Variants in MAPK8IP3 observed in about 807,000 individuals in gnomAD.
MAPK8IP3 encodes the protein mitogen-activated protein kinase 8 interacting protein 3.
MAPK8IP3 carries 49 observed loss-of-function variants against 157.8 expected under a neutral mutation model. The observed-to-expected ratio is 0.31, with a 90% CI of 0.25 to 0.39. MAPK8IP3 has a LOEUF of 0.39. Among genes scored for constraint, MAPK8IP3 ranks in the 10% least tolerant of loss-of-function variants. MAPK8IP3 has a pLI of 1.00. For synonymous variants in MAPK8IP3, 897 were observed against 777.7 expected, an observed-to-expected ratio of 1.15 and a Z score of -2.55; for missense variants, 1,478 against 1,889.4, an observed-to-expected ratio of 0.78 and a Z score of 4.04.
At chr16:1,714,416 GC>G (rs1742068408) in intron 1 of MAPK8IP3, among the ~76,000 whole-genome samples, 3 of 145,978 alleles carry the variant, frequency 2.1e-5, no homozygotes, top group African/African-American at 5.6e-5. Context: ...CACTGTTACG[GC>G]AAGAGATCCA....
At chr16:1,762,788 G>C (rs371274711) in intron 15 of MAPK8IP3, 48 bp from the exon 16 acceptor site, 1 of 1,599,542 alleles carries the variant, frequency 6.3e-7, no homozygotes, top group Non-Finnish European at 8.5e-7. Flanking sequence ...GGGGCAGGGA[G>C]GTTCCCTGGT....
chr16:1,729,467 A>G lies in MAPK8IP3; in HGVS notation c.511-20A>G. On this transcript the variant is annotated intron_variant, in intron 3 of 31. Coordinates refer to ENST00000610761, the MANE Select transcript of MAPK8IP3 (RefSeq NM_001318852.2). ...CAGCCCCCCACGGCAGCGCTAATGCAGGCGTTTCCCTCCTCGCAGATGATA... is the reference window on the plus strand; with the variant it reads ...CAGCCCCCCACGGCAGCGCTAATGCGGGCGTTTCCCTCCTCGCAGATGATA... 6.2e-7 allele frequency: 1 copy of G among 1,605,764 alleles called. No homozygotes were observed. Among genetic ancestry groups the G allele is most frequent in the Non-Finnish European group, 8.5e-7 (1 of 1,174,140 alleles).
At chr16:1,768,650 C>T in intron 31 of MAPK8IP3, 24 bp downstream of exon 31, 2 of 1,610,480 alleles carry the variant, frequency 1.2e-6, no homozygotes, top group South Asian at 1.1e-5. Context: ...AGGGACAGGG[C>T]TGAGGTTGGG....
chr16:1,765,406 C>CCA lies in MAPK8IP3; in HGVS notation c.2446+230_2446+231dup, dbSNP rs2042201189. Reference sequence around the variant, plus strand: ...CTCTTCTCCCTACCTACTCAGGACCCCACGCTTACCTGGTTAGAGGGTGAC... The same window carrying CCA: ...CTCTTCTCCCTACCTACTCAGGACCCCACACGCTTACCTGGTTAGAGGGTGAC... On this transcript the variant is annotated intron_variant, in intron 20 of 31. Transcript: ENST00000610761. 9.2e-5 allele frequency among the ~76,000 whole-genome samples: 14 copies of CCA among 152,352 alleles called. No individual in the cohort carries two copies. In the South Asian group the frequency reaches 2.7e-3, roughly 29 times the overall value.
At chr16:1,759,186 G>C (rs1375432161) in intron 10 of MAPK8IP3, among the ~76,000 whole-genome samples, 191 bp downstream of exon 10, 1 of 152,204 alleles carries the variant, frequency 6.6e-6, no homozygotes, top group Non-Finnish European at 1.5e-5. Flanking sequence ...ACTTCCCCAA[G>C]GGACAGACTT....
intron 1 of MAPK8IP3, among the ~76,000 whole-genome samples, chr16:1,716,304 T>G (rs1428740497): frequency 1.3e-5 from 2 of 149,010 alleles, no homozygotes; most frequent in Non-Finnish European, 3.0e-5. Context: ...TGCTCTCAGG[T>G]CATTTCTTTT....
At chr16:1,748,463 G>C in intron 7 of MAPK8IP3, 117 bp downstream of exon 7, 1 of 1,151,724 alleles carries the variant, frequency 8.7e-7, no homozygotes, top group Non-Finnish European at 1.3e-6. Flanking sequence ...GTGGCCTACC[G>C]CCTCCATCCA....
intron 4 of MAPK8IP3, among the ~76,000 whole-genome samples, chr16:1,729,967 G>T (rs1005652780): frequency 1.3e-5 from 2 of 150,184 alleles, no homozygotes; most frequent in Admixed American, 1.3e-4. Flanking sequence ...CTAGAACTTT[G>T]GGAGGCCAAG....
rs1042728485 is a variant in MAPK8IP3, at chr16:1,765,993, T to C, written c.2480T>C (p.Met827Thr). The C allele has an allele frequency of 3.7e-6, 6 of 1,612,638 alleles. No individual in the cohort carries two copies. In the Admixed American group the frequency reaches 6.7e-5, roughly 18 times the overall value. The part of the protein sequence containing the change: ...ASDSDYPPGE[M>T]FLDSDVNPED... ...GACAGCGACTACCCTCCCGGGGAGA[T>C]GTTCCTGGACAGCGACGTGAACCCA... The change falls in exon 21 of 32, where the codon ATG becomes ACG. Residue 827 changes from methionine (M) to threonine (T), a missense_variant. Met to Thr is a moderately conservative substitution (Grantham distance 81, BLOSUM62 -1). Coordinates refer to ENST00000610761, the MANE Select transcript of MAPK8IP3 (RefSeq NM_001318852.2).
chr16:1,738,777 G>A (rs1322777016), intron 4 of MAPK8IP3, among the ~76,000 whole-genome samples: 17 of 101,432 alleles, frequency 1.7e-4, no homozygotes, highest in African/African-American at 4.5e-4. Flanking sequence ...CCGTGTGAGC[G>A]TGTGAGCGTC....
chr16:1,759,005 A>C lies in MAPK8IP3; in HGVS notation c.1246+10A>C, dbSNP rs759246315. On this transcript the variant is annotated intron_variant, in intron 10 of 31. Transcript: ENST00000610761. ...CGCGATGATTTCTTTGGTAAGGCTG[A>C]GGCCCCGTTCCAGCGTGCGTCGCTC... The C allele has an allele frequency of 6.2e-7, 1 of 1,614,108 alleles. No homozygotes were observed. Among genetic ancestry groups the C allele is most frequent in the Non-Finnish European group, 8.5e-7 (1 of 1,180,002 alleles).
chr16:1,757,098 A>C (rs1270674791), intron 8 of MAPK8IP3, among the ~76,000 whole-genome samples: 1 of 152,126 alleles, frequency 6.6e-6, no homozygotes, highest in African/African-American at 2.4e-5. Flanking sequence ...TTGTCATCTA[A>C]ATCAAGTGAC....
intron 4 of MAPK8IP3, chr16:1,735,094 G>A (rs563121173): frequency 6.6e-6 from 1 of 152,656 alleles, no homozygotes; most frequent in East Asian, 1.9e-4. Context: ...CCCGTTCCAG[G>A]GCCTCTTGTC....
rs200231006 is a variant in MAPK8IP3 at position 1,762,929 on chromosome 16, C to T, written c.1821C>T (p.Ala607=). Residue 607 remains alanine, a synonymous_variant, in exon 16 of 32, where the codon GCC becomes GCT. Coordinates refer to ENST00000610761, the MANE Select transcript of MAPK8IP3 (RefSeq NM_001318852.2). ...VNIHYKSPTT[A]GFSQRRNHAM... is the part of the protein sequence containing the mutation. ...TCCACTACAAGTCACCCACCACTGC[C>T]GGCTTCAGCCAGCGCCGCAACCATG... 5.2e-5 allele frequency: 84 copies of T among 1,613,104 alleles called. No individual in the cohort carries two copies. In the African/African-American group the frequency reaches 7.1e-4, roughly 14 times the overall value.
chr16:1,758,228 C>T, intron 9 of MAPK8IP3, 69 bp downstream of exon 9: 1 of 1,572,060 alleles, frequency 6.4e-7, no homozygotes, highest in Non-Finnish European at 8.7e-7. Flanking sequence ...GGGGGATGCC[C>T]CGAGCTATCC....
intron 24 of MAPK8IP3, 29 bp downstream of exon 24, chr16:1,766,832 G>A (rs528283756): frequency 6.8e-6 from 11 of 1,612,398 alleles, no homozygotes; most frequent in African/African-American, 2.7e-5. Flanking sequence ...AGGGCCGGGC[G>A]GCGCGGGGGA....
At chr16:1,727,313 G>T (rs1410048254) in intron 2 of MAPK8IP3, among the ~76,000 whole-genome samples, 1 of 151,746 alleles carries the variant, frequency 6.6e-6, no homozygotes, top group Non-Finnish European at 1.5e-5. Flanking sequence ...TGAGTGTCGT[G>T]TGCTGTGTGC....
At chr16:1,728,198 C>T (rs1352920112) in intron 2 of MAPK8IP3, among the ~76,000 whole-genome samples, 1 of 152,232 alleles carries the variant, frequency 6.6e-6, no homozygotes, top group Admixed American at 6.5e-5. Context: ...GTCTCTTGGG[C>T]AGATCACGTC....
rs2038747183 is a variant in MAPK8IP3 at position 1,724,622 on chromosome 16, C to T, written c.384C>T (p.His128=). Residue 128 remains histidine (H), a synonymous_variant, in exon 2 of 32, where the codon CAC becomes CAT. Coordinates refer to ENST00000610761, the MANE Select transcript of MAPK8IP3 (RefSeq NM_001318852.2). This position sits in a 1 kb window ranked among gnomAD's most constrained non-coding sequence, Gnocchi z 4.1. ...EKKELQIQVE[H]YEFQTRQLEL... is the part of the protein sequence containing the mutation. ...AAGAGCTGCAAATCCAGGTGGAGCA[C>T]TACGAGTTCCAGACGCGCCAGCTGG... is the stretch of plus-strand genomic sequence containing the variant. 1 of 1,613,698 alleles carries T rather than the reference C, an allele frequency of 6.2e-7. No homozygotes were observed. Among genetic ancestry groups the T allele is most frequent in the Non-Finnish European group, 8.5e-7 (1 of 1,180,006 alleles).
Sources: allele counts gnomAD v4.1 joint callset (sites outside exome capture counted in the v4.1 genomes callset), GRCh38; gene constraint gnomAD v4.1.1; non-coding constraint Gnocchi (gnomAD v3.1); transcripts MANE v1.5; gene names NCBI Gene and HGNC (gene_info 2026-07-23, HGNC 2026-07-21).